EHMT2: variants seen among roughly 807,000 people sequenced by gnomAD.
The protein encoded by EHMT2 is euchromatic histone lysine methyltransferase 2, also known as histone-lysine N-methyltransferase EHMT2.
Under a neutral mutation model 143.3 loss-of-function variants are expected in EHMT2, and 59 were observed. The ratio of observed to expected loss-of-function variants is 0.41; its 90% confidence interval spans 0.33 to 0.51. The LOEUF (loss-of-function observed/expected upper bound fraction) is 0.51, where lower values mean the gene tolerates loss of function less well. EHMT2 is among the 20% of genes least tolerant of loss of function. The probability of loss-of-function intolerance (pLI) is 0.18; values close to 1 mark genes in which losing one functional copy is unlikely to be tolerated. For synonymous variants in EHMT2, 604 were observed against 651.5 expected, an observed-to-expected ratio of 0.93 and a Z score of 1.11; for missense variants, 1,174 against 1,645.9, an observed-to-expected ratio of 0.71 and a Z score of 4.96.
At position 31,881,093 on chromosome 6, in the gene EHMT2, C is replaced by T; in HGVS notation, c.3198-1G>A. 6.2e-7 allele frequency: 1 copy of T among 1,612,630 alleles called. No homozygotes were observed. Among genetic ancestry groups the T allele is most frequent in the Non-Finnish European group, 8.5e-7 (1 of 1,179,706 alleles). ...ATCAGAGATCAGCTCCCCGACATAC[C>T]TGTGGGACAGGAATCCATGGTTCTG... is the stretch of plus-strand genomic sequence containing the variant. On this transcript the variant is annotated splice_acceptor_variant, in intron 25 of 27. Transcript: ENST00000375537. LOFTEE classifies it high-confidence loss of function. This position sits in a 1 kb window ranked among gnomAD's most constrained non-coding sequence, Gnocchi z 4.8.
chr6:31,897,460 C>T (rs1317294824), intron 1 of EHMT2, among the ~76,000 whole-genome samples, 176 bp downstream of exon 1: 1 of 150,326 alleles, frequency 6.7e-6, no homozygotes, highest in Non-Finnish European at 1.5e-5. Context: ...GTGCCCACTC[C>T]CCCCACCTCC....
chr6:31,881,416 G>A lies in EHMT2; in HGVS notation c.3198-324C>T, dbSNP rs1190873011. 14 of 471,612 alleles carry A rather than the reference G, an allele frequency of 3.0e-5. No individual in the cohort carries two copies. The East Asian group carries it at 5.2e-4, about 17-fold the overall frequency. The allele number at this position is 471,612 out of a possible 1,614,324, so 29.2% of individuals were successfully genotyped here. A position where few individuals can be genotyped will look rare whatever the true frequency, so the allele number is the denominator to read the frequency against. Reference sequence around the variant, plus strand: ...TCCAGGAGCCACCCGGCAGGAATGGGCGATATGGAACAGGAGAGGGGCCAG... The same window carrying A: ...TCCAGGAGCCACCCGGCAGGAATGGACGATATGGAACAGGAGAGGGGCCAG... On this transcript the variant is annotated intron_variant, in intron 25 of 27. Coordinates refer to ENST00000375537, the Ensembl canonical transcript of EHMT2. The surrounding 1 kb of genome is among the most constrained non-coding windows in gnomAD (Gnocchi z 4.8).
chr6:31,887,550 T>C, intron 15 of EHMT2, 27 bp downstream of exon 15: 1 of 1,607,902 alleles, frequency 6.2e-7, no homozygotes, highest in South Asian at 1.1e-5. Flanking sequence ...TTGGTCAAGG[T>C]CTGCTGAAGG....
intron 7 of EHMT2, among the ~76,000 whole-genome samples, chr6:31,891,227 G>A (rs1472070046): frequency 1.3e-5 from 2 of 152,200 alleles, no homozygotes; most frequent in African/African-American, 4.8e-5. Context: ...TTACAGGCGT[G>A]AGCCACTGTG....
In EHMT2 at chr6:31,880,518, C is replaced by T; in HGVS notation, c.3452+155G>A. On this transcript the variant is annotated intron_variant, in intron 27 of 27. Coordinates refer to ENST00000375537, the Ensembl canonical transcript of EHMT2. The surrounding 1 kb of genome is among the most constrained non-coding windows in gnomAD (Gnocchi z 6.6). ...CTCTCTGGGAGGCACAGGACTGTTT[C>T]CCCAAGTCCTCCAGGAAATACTTAT... 1.1e-6 allele frequency: 1 copy of T among 920,724 alleles called. No individual in the cohort carries two copies. Among genetic ancestry groups the T allele is most frequent in the Non-Finnish European group, 1.6e-6 (1 of 624,230 alleles). The allele number at this position is 920,724 out of a possible 1,614,324, so 57.0% of individuals were successfully genotyped here.
At chr6:31,882,593 G>C (rs1416501921) in intron 25 of EHMT2, 106 bp downstream of exon 25, 4 of 1,127,596 alleles carry the variant, frequency 3.5e-6, no homozygotes, top group Non-Finnish European at 5.2e-6. Flanking sequence ...TGGCCAGATG[G>C]AGACATGTGA....
At chr6:31,891,530 T>C (rs1257897015) in intron 7 of EHMT2, among the ~76,000 whole-genome samples, 4 of 152,204 alleles carry the variant, frequency 2.6e-5, no homozygotes, top group Non-Finnish European at 5.9e-5. Context: ...GATGTACAGA[T>C]GGGTCAAGAT....
At chr6:31,895,240 T>C (rs995834219) in intron 4 of EHMT2, among the ~76,000 whole-genome samples, 3 of 152,172 alleles carry the variant, frequency 2.0e-5, no homozygotes, top group African/African-American at 7.2e-5. Context: ...TCACCCATTA[T>C]CTTCATGTGC....
At chr6:31,896,902 G>A (rs368429939) in intron 2 of EHMT2, 21 bp downstream of exon 2, 7 of 1,609,148 alleles carry the variant, frequency 4.4e-6, no homozygotes, top group Non-Finnish European at 5.9e-6. Flanking sequence ...TCCAATTGGG[G>A]CCCGTTTTAG....
intron 4 of EHMT2, among the ~76,000 whole-genome samples, chr6:31,894,168 CAG>C (rs1367724135): frequency 1.3e-5 from 2 of 150,804 alleles, no homozygotes; most frequent in African/African-American, 2.4e-5. Flanking sequence ...TTTTTTGAGA[CAG>C]AGTTTTGCTC....
Position 31,896,977 on chromosome 6 carries a change from CG to C in EHMT2, c.54del (p.Ala19LeufsTer65). 2 of 1,577,476 alleles carry C rather than the reference CG, an allele frequency of 1.3e-6. No individual in the cohort carries two copies. ...TCCAGCAGCAGCGCCCCCATCTCAGCGGGGGCCTCCCCCTGGGAGGGGAGAC... is the reference window on the plus strand; with the variant it reads ...TCCAGCAGCAGCGCCCCCATCTCAGCGGGGCCTCCCCCTGGGAGGGGAGAC... On this transcript the variant is annotated frameshift_variant, in exon 2 of 28. Coordinates refer to ENST00000375537, the Ensembl canonical transcript of EHMT2. LOFTEE classifies it high-confidence loss of function.
At chr6:31,886,638 C>T in exon 18 of EHMT2, 1 of 1,613,728 alleles carries the variant, frequency 6.2e-7, no homozygotes, top group Non-Finnish European at 8.5e-7. Context: ...TCTCCAAGTT[C>T]CCGATTTTGG....
chr6:31,888,528 G>T lies in EHMT2; in HGVS notation c.1366-22C>A, dbSNP rs954519270. The T allele has an allele frequency of 1.9e-6, 3 of 1,610,920 alleles. No individual in the cohort carries two copies. The African/African-American group carries it at 4.0e-5, about 22-fold the overall frequency. ...ACAGCTGTGCGCAGTGAGGATGGGTGAGAAGAGAGCGTGAGGCTGGGGCCG... is the reference window on the plus strand; with the variant it reads ...ACAGCTGTGCGCAGTGAGGATGGGTTAGAAGAGAGCGTGAGGCTGGGGCCG... On this transcript the variant is annotated intron_variant, in intron 11 of 27. Coordinates refer to ENST00000375537, the Ensembl canonical transcript of EHMT2. The surrounding 1 kb of genome is among the most constrained non-coding windows in gnomAD (Gnocchi z 7.4).
At chr6:31,896,552 G>A (rs1766479239) in intron 3 of EHMT2, 36 bp from the exon 4 acceptor site, 1 of 1,605,580 alleles carries the variant, frequency 6.2e-7, no homozygotes, top group Non-Finnish European at 8.5e-7. Flanking sequence ...AGATAAGAAA[G>A]AAGGCAAGAG....
intron 18 of EHMT2, chr6:31,885,538 A>C (rs1764722261): frequency 6.5e-6 from 1 of 152,702 alleles, no homozygotes; most frequent in African/African-American, 2.4e-5. Flanking sequence ...GAGAAAATAA[A>C]GTAATTGTTC....
intron 1 of EHMT2, 174 bp from the exon 2 acceptor site, chr6:31,897,163 G>A (rs1329862257): frequency 1.2e-5 from 16 of 1,304,852 alleles, no homozygotes; most frequent in African/African-American, 1.9e-5. Flanking sequence ...CCCCTCCCCC[G>A]GGCCCGCATC....
intron 7 of EHMT2, 129 bp downstream of exon 7, chr6:31,892,278 C>A (rs1317894646): frequency 6.6e-6 from 7 of 1,064,036 alleles, no homozygotes; most frequent in Non-Finnish European, 9.4e-6. Context: ...CAGCATGGGG[C>A]AATGACTTAG....
Position 31,887,821 on chromosome 6 carries a change from CG to C in EHMT2, c.1885del (p.Arg629GlyfsTer30). 6.2e-7 allele frequency: 1 copy of C among 1,607,814 alleles called. No individual in the cohort carries two copies. Among genetic ancestry groups the C allele is most frequent in the East Asian group, 2.2e-5 (1 of 44,850 alleles). ...GACCAGGGCCTTTTCCAGGGCCTCC[CG>C]GCCTGGCCCCAGTGGCAGCCCCACG... On this transcript the variant is annotated frameshift_variant, in exon 14 of 28. Transcript: ENST00000375537. LOFTEE classifies it high-confidence loss of function.
exon 4 of EHMT2, chr6:31,896,459 C>T (rs1201009079): frequency 3.1e-6 from 5 of 1,612,858 alleles, no homozygotes; most frequent in Non-Finnish European, 4.2e-6. Context: ...CATCTTGGCC[C>T]GGCTAGGACA....
Sources: allele counts gnomAD v4.1 joint callset (sites outside exome capture counted in the v4.1 genomes callset), GRCh38; gene constraint gnomAD v4.1.1; non-coding constraint Gnocchi (gnomAD v3.1); transcripts MANE v1.5; gene names NCBI Gene and HGNC (gene_info 2026-07-23, HGNC 2026-07-21).